The following NLRP1 variants were observed in gnomAD, a reference collection of about 807,000 sequenced individuals.
The protein encoded by NLRP1 is NLR family pyrin domain containing 1.
A neutral mutation model predicts 136.7 loss-of-function variants in NLRP1; 94 were observed. That is an observed-to-expected ratio of 0.69 (90% CI 0.58 to 0.82). NLRP1 has a LOEUF of 0.82. Among genes scored for constraint, NLRP1 ranks in the 40% least tolerant of loss-of-function variants. The probability of loss-of-function intolerance (pLI) is 0.00; values close to 1 mark genes in which losing one functional copy is unlikely to be tolerated. For missense variants in NLRP1, 1,575 were observed against 1,802.7 expected (o/e 0.87, Z 2.29); for synonymous variants, 690 against 725.1 (o/e 0.95, Z 0.78).
chr17:5,529,419 G>C (rs1316178416), intron 12 of NLRP1, among the ~76,000 whole-genome samples: 2 of 150,302 alleles, frequency 1.3e-5, no homozygotes, highest in African/African-American at 2.4e-5. Flanking sequence ...CCAGGCTGGA[G>C]TGCAGTGGTG....
At chr17:5,535,045 C>T (rs1910855625) in intron 8 of NLRP1, among the ~76,000 whole-genome samples, 1 of 152,162 alleles carries the variant, frequency 6.6e-6, no homozygotes, top group Admixed American at 6.5e-5. Flanking sequence ...CATGGTAAAA[C>T]CCCGTCTCTA....
Position 5,581,878 on chromosome 17 carries a change from C to A in NLRP1, c.633G>T (p.Thr211=), listed in dbSNP as rs200185293. The A allele has an allele frequency of 1.9e-6, 3 of 1,612,584 alleles. No individual in the cohort carries two copies. Among genetic ancestry groups the A allele is most frequent in the Non-Finnish European group, 1.7e-6 (2 of 1,179,858 alleles). The change falls in exon 3 of 17, where the codon ACG becomes ACT. Residue 211 remains threonine (T), a synonymous_variant. Transcript: ENST00000572272. ...APGTQWPLDE[T]SGIYYTEIRE... ...TCTCACCTGTGTAGTAAATTCCTGA[C>A]GTTTCATCCAGAGGCCATTGGGTCC...
At chr17:5,512,272 A>G, downstream of NLRP1, 2 of 1,538,858 alleles carry the variant, frequency 1.3e-6, no homozygotes, top group Non-Finnish European at 1.8e-6. Context: ...AGATCTAGAC[A>G]GGTGCCCCAT....
chr17:5,526,584 G>A (rs2151749130), intron 12 of NLRP1, among the ~76,000 whole-genome samples: 2 of 152,290 alleles, frequency 1.3e-5, no homozygotes, highest in Middle Eastern at 3.4e-3. Context: ...GTTGTGTGGA[G>A]AGCAGAGGTC....
intron 3 of NLRP1, among the ~76,000 whole-genome samples, chr17:5,563,671 GAGAA>G (rs1235140526): frequency 6.6e-6 from 1 of 152,224 alleles, no homozygotes; most frequent in Non-Finnish European, 1.5e-5. Flanking sequence ...GAAAGAGCAT[GAGAA>G]AGCCAGCAAC....
At chr17:5,538,700 G>C (rs1482967291) in intron 7 of NLRP1, among the ~76,000 whole-genome samples, 1 of 152,080 alleles carries the variant, frequency 6.6e-6, no homozygotes, top group Non-Finnish European at 1.5e-5. Flanking sequence ...GGCCTGGTCT[G>C]GTGCTTACAC....
At chr17:5,508,310 A>G (rs927522775) in intron 15 of NLRP1, among the ~76,000 whole-genome samples, 1 of 152,174 alleles carries the variant, frequency 6.6e-6, no homozygotes, top group African/African-American at 2.4e-5. Context: ...AAGAAAAATA[A>G]AAATTAAAAT....
intron 3 of NLRP1, among the ~76,000 whole-genome samples, chr17:5,577,910 A>G (rs1162119593): frequency 1.3e-5 from 2 of 152,324 alleles, no homozygotes; most frequent in East Asian, 3.9e-4. Context: ...ACCAAAACAG[A>G]GATATAGACC....
intron 15 of NLRP1, among the ~76,000 whole-genome samples, 167 bp downstream of exon 15, chr17:5,517,579 G>A (rs755627770): frequency 1.2e-4 from 19 of 152,112 alleles, no homozygotes; most frequent in Non-Finnish European, 2.6e-4. Flanking sequence ...GTAGAGATGG[G>A]GTTTCACCAT....
At chr17:5,580,552 T>C (rs1190865250) in intron 3 of NLRP1, among the ~76,000 whole-genome samples, 1 of 152,196 alleles carries the variant, frequency 6.6e-6, no homozygotes, top group Non-Finnish European at 1.5e-5. Context: ...ACCCATTATA[T>C]TTCCCCTTTT....
At chr17:5,532,497 A>G (rs1910433234) in intron 11 of NLRP1, among the ~76,000 whole-genome samples, 1 of 152,242 alleles carries the variant, frequency 6.6e-6, no homozygotes, top group Non-Finnish European at 1.5e-5. Flanking sequence ...ATACTGTAAC[A>G]ATAACAAAGA....
At chr17:5,511,795 CTT>C (rs1376713328), downstream of NLRP1, among the ~76,000 whole-genome samples, 1 of 141,542 alleles carries the variant, frequency 7.1e-6, no homozygotes, top group Non-Finnish European at 1.5e-5. Flanking sequence ...TTTCTCTTTC[CTT>C]TCTCTCTTTC....
Position 5,583,894 on chromosome 17 carries a change from T to G in NLRP1, c.64A>C (p.Lys22Gln). 1 of 1,603,396 alleles carries G rather than the reference T, an allele frequency of 6.2e-7. No homozygotes were observed. Among genetic ancestry groups the G allele is most frequent in the Non-Finnish European group, 8.5e-7 (1 of 1,174,118 alleles). The change falls in exon 1 of 17, where the codon AAG becomes CAG. Residue 22 changes from lysine to glutamine, a missense_variant. By Grantham distance (53) the Lys-to-Gln change is moderately conservative. Transcript: ENST00000572272. The surrounding 1 kb of genome is among the most constrained non-coding windows in gnomAD (Gnocchi z 4.5). ...TTGGCGAGCAGAAGCTGGAACTCCT[T>G]CAGCTCCTCCTTCTTCAGGAACTCC... ...YLEFLKKEEL[K>Q]EFQLLLANKA...
intron 3 of NLRP1, among the ~76,000 whole-genome samples, chr17:5,561,035 C>T (rs1914677701): frequency 6.6e-6 from 1 of 152,228 alleles, no homozygotes; most frequent in South Asian, 2.1e-4. Flanking sequence ...TCTCCCTTCT[C>T]TCCTTAGGTG....
At chr17:5,532,243 T>C (rs1167438272) in intron 11 of NLRP1, among the ~76,000 whole-genome samples, 1 of 152,118 alleles carries the variant, frequency 6.6e-6, no homozygotes, top group African/African-American at 2.4e-5. Context: ...CAAGACTCTG[T>C]CTCAAAACCA....
At chr17:5,571,290 T>C (rs745388172) in intron 3 of NLRP1, among the ~76,000 whole-genome samples, 11 of 152,110 alleles carry the variant, frequency 7.2e-5, no homozygotes, top group Non-Finnish European at 1.2e-4. Context: ...GTAAAAGACA[T>C]CCAAATAGGA....
At position 5,583,182 on chromosome 17, in the gene NLRP1, G is replaced by A. The variant is rs909215934; in HGVS notation, c.272-336C>T. On this transcript the variant is annotated intron_variant, in intron 1 of 16. Coordinates refer to ENST00000572272, the MANE Select transcript of NLRP1 (RefSeq NM_033004.4). This position sits in a 1 kb window ranked among gnomAD's most constrained non-coding sequence, Gnocchi z 4.5. ...AGGGTGGCTAATAGTAATAATAACA[G>A]CAGCAGCAGCAGCAGCAACAACAGC... Among the ~76,000 whole-genome samples, 1 of 151,982 alleles carries A rather than the reference G, an allele frequency of 6.6e-6. No individual in the cohort carries two copies. The highest frequency in any genetic ancestry group is 1.5e-5 in the Non-Finnish European group (1 of 67,976).
rs756551531 is a variant in NLRP1, at chr17:5,559,128, G to A, written c.1568C>T (p.Ser523Phe). Residue 523 changes from serine (S) to phenylalanine (F), a missense_variant, in exon 4 of 17, where the codon TCC becomes TTC. Transcript: ENST00000572272. ...CATCAGGCAAGTGCAGGCCAGCCAG[G>A]ACACCCAGGGCACAAGACACAGGGC... ...LWALCLVPWV[S>F]WLACTCLMQQ... 12 of 1,614,168 alleles carry A rather than the reference G, an allele frequency of 7.4e-6. No individual in the cohort carries two copies. The highest frequency in any genetic ancestry group is 1.0e-5 in the Non-Finnish European group (12 of 1,180,030).
intron 5 of NLRP1, among the ~76,000 whole-genome samples, chr17:5,546,581 C>T (rs904911667): frequency 2.0e-5 from 3 of 152,152 alleles, no homozygotes; most frequent in African/African-American, 7.2e-5. Context: ...AGTGACAAAA[C>T]CCCAGAATTC....
Sources: allele counts gnomAD v4.1 joint callset (sites outside exome capture counted in the v4.1 genomes callset), GRCh38; gene constraint gnomAD v4.1.1; non-coding constraint Gnocchi (gnomAD v3.1); transcripts MANE v1.5; gene names NCBI Gene and HGNC (gene_info 2026-07-23, HGNC 2026-07-21).